The following SCN10A variants were observed in gnomAD, a reference collection of about 807,000 sequenced individuals.
The protein encoded by SCN10A is sodium voltage-gated channel alpha subunit 10.
Under a neutral mutation model 170.7 loss-of-function variants are expected in SCN10A, and 162 were observed. That is an observed-to-expected ratio of 0.95 (90% CI 0.84 to 1.08). The LOEUF (loss-of-function observed/expected upper bound fraction) is 1.08, where lower values mean the gene tolerates loss of function less well. Among genes scored for constraint, SCN10A ranks in the 50% least tolerant of loss-of-function variants. The probability of loss-of-function intolerance (pLI) is 0.00; values close to 1 mark genes in which losing one functional copy is unlikely to be tolerated. For synonymous variants in SCN10A, 985 were observed against 904.6 expected (o/e 1.09, Z -1.59); for missense variants, 2,527 against 2,436.9 (o/e 1.04, Z -0.78).
intron 27 of SCN10A, among the ~76,000 whole-genome samples, chr3:38,701,254 A>G (rs1474958563): frequency 6.6e-6 from 1 of 152,160 alleles, no homozygotes; most frequent in Admixed American, 6.5e-5. Flanking sequence ...AACAACACCC[A>G]GACTGGGCCT....
intron 5 of SCN10A, among the ~76,000 whole-genome samples, chr3:38,769,521 G>A (rs867592802): frequency 1.5e-4 from 23 of 152,120 alleles, no homozygotes; most frequent in Non-Finnish European, 1.0e-4. Context: ...GATTACAGGC[G>A]TGAGCTACTG....
chr3:38,783,601 C>A (rs1559463144), intron 4 of SCN10A, among the ~76,000 whole-genome samples: 1 of 151,970 alleles, frequency 6.6e-6, no homozygotes, highest in Admixed American at 6.6e-5. Context: ...TTAATGTACT[C>A]AAAGTTTATG....
intron 15 of SCN10A, among the ~76,000 whole-genome samples, chr3:38,738,807 T>C (rs1208148497): frequency 6.6e-6 from 1 of 152,144 alleles, no homozygotes; most frequent in East Asian, 1.9e-4. Flanking sequence ...GTGGCTCTGA[T>C]AAAAGTGGGT....
At chr3:38,811,611 G>T (rs1484481845) in intron 1 of SCN10A, among the ~76,000 whole-genome samples, 1 of 152,132 alleles carries the variant, frequency 6.6e-6, no homozygotes, top group Non-Finnish European at 1.5e-5. Flanking sequence ...TGACTCAGAA[G>T]TGCTACCCAC....
At chr3:38,774,859 T>C (rs769584739) in intron 4 of SCN10A, among the ~76,000 whole-genome samples, 5 of 152,146 alleles carry the variant, frequency 3.3e-5, no homozygotes, top group Non-Finnish European at 7.4e-5. Flanking sequence ...CACAATCAGT[T>C]TGTATTCACA....
chr3:38,723,565 A>T lies in SCN10A; in HGVS notation c.3229-12T>A, dbSNP rs1230315186. On this transcript the variant is annotated splice_polypyrimidine_tract_variant and intron_variant, in intron 18 of 27. Transcript: ENST00000449082. ...GTGTCGTCCACTCCCTGCAGGGGAG[A>T]AGCCCAGGGCAGTGAACTCGTCTCT... 6.3e-7 allele frequency: 1 copy of T among 1,575,874 alleles called. No homozygotes were observed. The highest frequency in any genetic ancestry group is 8.6e-7 in the Non-Finnish European group (1 of 1,159,818).
At position 38,698,306 on chromosome 3, in the gene SCN10A, G is replaced by C; in HGVS notation, c.4914C>G (p.Ile1638Met). The change falls in exon 28 of 28, where the codon ATC (isoleucine) becomes ATG (methionine). Residue 1638 changes from isoleucine (I) to methionine (M), a missense_variant. Coordinates refer to ENST00000449082, the MANE Select transcript of SCN10A (RefSeq NM_006514.4). ...AGGTCTGGAAGTTGAACATGTCGTCGATGCCAGCCTCCCACCTCACATGGG... is the reference window on the plus strand; with the variant it reads ...AGGTCTGGAAGTTGAACATGTCGTCCATGCCAGCCTCCCACCTCACATGGG... The part of the protein sequence containing the change: ...SFPHVRWEAG[I>M]DDMFNFQTFA... 6.2e-7 allele frequency: 1 copy of C among 1,614,134 alleles called. No individual in the cohort carries two copies. The highest frequency in any genetic ancestry group is 8.5e-7 in the Non-Finnish European group (1 of 1,180,024).
In SCN10A at chr3:38,739,665, A is replaced by C. The variant is rs778052433; in HGVS notation, c.2130T>G (p.Ala710=). 3 of 1,614,040 alleles carry C rather than the reference A, an allele frequency of 1.9e-6. No homozygotes were observed. Among genetic ancestry groups the C allele is most frequent in the Non-Finnish European group, 2.5e-6 (3 of 1,179,988 alleles). ...GNIVFTIFFT[A]EMVFKIIAFD... Reference sequence around the variant, plus strand: ...AGGCAATGATTTTGAAGACCATTTCAGCAGTAAAAAATATGGTAAAGACCT... The same window carrying C: ...AGGCAATGATTTTGAAGACCATTTCCGCAGTAAAAAATATGGTAAAGACCT... The change falls in exon 15 of 28, where the codon GCT becomes GCG. Residue 710 remains alanine, a synonymous_variant. Transcript: ENST00000449082.
chr3:38,705,620 C>T (rs2063202405), intron 26 of SCN10A, among the ~76,000 whole-genome samples: 1 of 152,128 alleles, frequency 6.6e-6, no homozygotes, highest in South Asian at 2.1e-4. Context: ...AGAATGTTGT[C>T]TTCCTTGAGG....
intron 27 of SCN10A, among the ~76,000 whole-genome samples, chr3:38,701,161 C>A (rs186018447): frequency 1.3e-5 from 2 of 152,304 alleles, no homozygotes; most frequent in African/African-American, 4.8e-5. Context: ...TCAGTCAAGG[C>A]AGCTCCATTT....
At chr3:38,726,423 T>C (rs2063455465) in intron 17 of SCN10A, among the ~76,000 whole-genome samples, 183 bp downstream of exon 17, 1 of 152,212 alleles carries the variant, frequency 6.6e-6, no homozygotes, top group Non-Finnish European at 1.5e-5. Context: ...CCTGTTTGTC[T>C]GCCTGGGGAA....
chr3:38,792,863 C>T (rs1453392312), intron 2 of SCN10A, among the ~76,000 whole-genome samples: 16 of 152,114 alleles, frequency 1.1e-4, no homozygotes, highest in Admixed American at 9.2e-4. Flanking sequence ...GGGATTATTA[C>T]TCTCAAACCT....
intron 20 of SCN10A, among the ~76,000 whole-genome samples, chr3:38,721,884 G>A (rs551200168): frequency 4.6e-5 from 7 of 152,198 alleles, no homozygotes; most frequent in African/African-American, 9.7e-5. Context: ...AGGTCAGAGG[G>A]TGGGAAGCCA....
intron 25 of SCN10A, among the ~76,000 whole-genome samples, chr3:38,708,462 C>T (rs2063234583): frequency 6.6e-6 from 1 of 152,176 alleles, no homozygotes; most frequent in Non-Finnish European, 1.5e-5. Context: ...ACTGTCTTGT[C>T]CCAGACCTAT....
At chr3:38,709,414 A>G in intron 25 of SCN10A, 64 bp downstream of exon 25, 1 of 1,517,078 alleles carries the variant, frequency 6.6e-7, no homozygotes, top group South Asian at 1.4e-5. Flanking sequence ...AGAGCTGGGC[A>G]GGGAACAGGA....
At position 38,742,461 on chromosome 3, in the gene SCN10A, C is replaced by A; in HGVS notation, c.1936G>T (p.Asp646Tyr). The A allele has an allele frequency of 1.2e-6, 2 of 1,614,188 alleles. No homozygotes were observed. The highest frequency in any genetic ancestry group is 1.1e-5 in the South Asian group (1 of 91,068). ...AGCTTCACCCACATGGGGCAGCAAT[C>A]CCAGATCAGATACTTCTGAGACAAG... Reference protein sequence around the residue: ...TSLSQKYLIWDCCPMWVKLKT... With the variant: ...TSLSQKYLIWYCCPMWVKLKT... Residue 646 changes from aspartate to tyrosine, a missense_variant, in exon 14 of 28, where the codon GAT becomes TAT. Transcript: ENST00000449082.
In SCN10A at chr3:38,722,866, T is replaced by G. The variant is rs560689703; in HGVS notation, c.3353-454A>C. On this transcript the variant is annotated intron_variant, in intron 19 of 27. Transcript: ENST00000449082. ...AACTATTAATAAAAACTCAAGTATT[T>G]AAAAAATTTTTCTTTGTATTTTTAG... Among the ~76,000 whole-genome samples, 7 of 152,340 alleles carry G rather than the reference T, an allele frequency of 4.6e-5. No homozygotes were observed. The South Asian group carries it at 1.4e-3, about 32-fold the overall frequency.
chr3:38,728,465 T>C, intron 16 of SCN10A, 77 bp downstream of exon 16: 1 of 1,448,500 alleles, frequency 6.9e-7, no homozygotes, highest in Non-Finnish European at 9.2e-7. Flanking sequence ...AAAATGCAGA[T>C]CAAAGCTTTT....
intron 5 of SCN10A, among the ~76,000 whole-genome samples, chr3:38,770,823 G>A (rs1461630339): frequency 6.6e-6 from 1 of 152,202 alleles, no homozygotes; most frequent in Non-Finnish European, 1.5e-5. Context: ...AAGGGTGCCT[G>A]TGAGACATAG....
Sources: allele counts gnomAD v4.1 joint callset (sites outside exome capture counted in the v4.1 genomes callset), GRCh38; gene constraint gnomAD v4.1.1; transcripts MANE v1.5; gene names NCBI Gene and HGNC (gene_info 2026-07-23, HGNC 2026-07-21).